Variants in CCDC30 observed in about 807,000 individuals in gnomAD.
CCDC30 encodes the protein coiled-coil domain-containing protein 30.
Under a neutral mutation model 100.2 loss-of-function variants are expected in CCDC30, and 70 were observed. The ratio of observed to expected loss-of-function variants is 0.70; its 90% CI spans 0.58 to 0.85. CCDC30 has a LOEUF of 0.85. Among genes scored for constraint, CCDC30 ranks in the 40% least tolerant of loss-of-function variants. CCDC30 has a pLI of 0.00. For missense variants in CCDC30, 652 were observed against 771.2 expected, an observed-to-expected ratio of 0.85 and a Z score of 1.83; for synonymous variants, 233 against 269.5, an observed-to-expected ratio of 0.86 and a Z score of 1.33.
At chr1:42,638,265 G>A (rs1429985320) in intron 12 of CCDC30, among the ~76,000 whole-genome samples, 1 of 152,064 alleles carries the variant, frequency 6.6e-6, no homozygotes, top group African/African-American at 2.4e-5. Context: ...AAGGCAGGAG[G>A]ATTGCTTGAG....
At position 42,653,817 on chromosome 1, in the gene CCDC30, G is replaced by A. The variant is rs1360431373; in HGVS notation, c.1923-1G>A. 1 of 1,612,702 alleles carries A rather than the reference G, an allele frequency of 6.2e-7. No individual in the cohort carries two copies. The highest frequency in any genetic ancestry group is 2.2e-5 in the East Asian group (1 of 44,862). ...ATGTCCTCACATATGGCATTTCTTA[G>A]TTTTTCAGGAAAAGGTTTGGTAGAG... On this transcript the variant is annotated splice_acceptor_variant, in intron 16 of 16. Transcript: ENST00000668663. LOFTEE classifies it high-confidence loss of function.
At chr1:42,642,952 A>G (rs1647580865) in intron 13 of CCDC30, among the ~76,000 whole-genome samples, 1 of 152,244 alleles carries the variant, frequency 6.6e-6, no homozygotes, top group Non-Finnish European at 1.5e-5. Flanking sequence ...AGAGAGAATT[A>G]GGCTCACAGA....
At chr1:42,503,982 G>A (rs962067902) in intron 6 of CCDC30, among the ~76,000 whole-genome samples, 1 of 152,182 alleles carries the variant, frequency 6.6e-6, no homozygotes, top group African/African-American at 2.4e-5. Flanking sequence ...TCAGAGCTGA[G>A]AGCCCCGAAC....
chr1:42,637,477 A>C, intron 12 of CCDC30, 99 bp downstream of exon 16: 1 of 1,093,074 alleles, frequency 9.1e-7, no homozygotes, highest in Non-Finnish European at 1.3e-6. Flanking sequence ...AGACCCCTTC[A>C]TAGTCCTCGT....
intron 1 of CCDC30, among the ~76,000 whole-genome samples, chr1:42,465,445 A>T (rs570147306): frequency 2.0e-5 from 3 of 151,886 alleles, no homozygotes; most frequent in African/African-American, 4.8e-5. Flanking sequence ...GCCCACTGCA[A>T]CCTCCGCCTC....
intron 6 of CCDC30, chr1:42,537,980 A>G: frequency 6.5e-6 from 1 of 154,064 alleles, no homozygotes; most frequent in Non-Finnish European, 1.4e-5. Context: ...AAAAAAAAAA[A>G]AAAAATCTGC....
At chr1:42,584,406 C>A (rs1346546770) in intron 9 of CCDC30, among the ~76,000 whole-genome samples, 1 of 152,120 alleles carries the variant, frequency 6.6e-6, no homozygotes, top group Non-Finnish European at 1.5e-5. Context: ...GCCTGGCCAA[C>A]ATAGTGAAAT....
chr1:42,492,024 T>G, intron 4 of CCDC30: 1 of 573,092 alleles, frequency 1.7e-6, no homozygotes, highest in African/African-American at 1.9e-5. Context: ...GGAAAAAAAC[T>G]AACTTCCAGG....
intron 6 of CCDC30, among the ~76,000 whole-genome samples, chr1:42,502,325 A>G (rs563044464): frequency 6.6e-6 from 1 of 152,084 alleles, no homozygotes; most frequent in Non-Finnish European, 1.5e-5. Context: ...AGACCATTGG[A>G]AAAGCACAGT....
At chr1:42,595,061 G>A (rs1646258624) in intron 10 of CCDC30, 1 of 151,406 alleles carries the variant, frequency 6.6e-6, no homozygotes, top group East Asian at 1.9e-4. Flanking sequence ...TAGGATATAC[G>A]GTAGAACCAA....
chr1:42,642,673 A>G (rs1175756365), intron 13 of CCDC30, 64 bp downstream of exon 17: 3 of 1,394,496 alleles, frequency 2.2e-6, no homozygotes, highest in African/African-American at 2.9e-5. Flanking sequence ...CTCAACAAAG[A>G]GATGGTTCTA....
At chr1:42,614,964 A>G (rs573139096) in intron 11 of CCDC30, among the ~76,000 whole-genome samples, 7 of 152,188 alleles carry the variant, frequency 4.6e-5, no homozygotes, top group South Asian at 4.1e-4. Flanking sequence ...AATGGTAACC[A>G]TAATAGGTTT....
chr1:42,592,172 C>G (rs1646199299), intron 10 of CCDC30: 1 of 152,060 alleles, frequency 6.6e-6, no homozygotes, highest in Non-Finnish European at 1.5e-5. Context: ...CTTTTGGGGA[C>G]TATTGGTAGG....
At chr1:42,478,384 G>A (rs994461109) in intron 1 of CCDC30, among the ~76,000 whole-genome samples, 7 of 152,188 alleles carry the variant, frequency 4.6e-5, no homozygotes, top group Admixed American at 4.6e-4. Flanking sequence ...AGAATGGTGG[G>A]TGAAATCTTG....
Position 42,596,235 on chromosome 1 carries a change from G to C in CCDC30, c.1164+6752G>C, listed in dbSNP as rs535476532. On this transcript the variant is annotated intron_variant, in intron 10 of 16. Transcript: ENST00000668663. The surrounding 1 kb of genome is among the most constrained non-coding windows in gnomAD (Gnocchi z 4.3). ...GGCTCAGTGTATCAAGTCTGAGAGA[G>C]AGAAACTCCAGAGGGACCCAGTCAT... Among the ~76,000 whole-genome samples, 7 of 152,312 alleles carry C rather than the reference G, an allele frequency of 4.6e-5. No individual in the cohort carries two copies. In the South Asian group the frequency reaches 1.4e-3, roughly 32 times the overall value.
chr1:42,466,268 T>A (rs1643578150), intron 1 of CCDC30, among the ~76,000 whole-genome samples: 1 of 152,162 alleles, frequency 6.6e-6, no homozygotes, highest in African/African-American at 2.4e-5. Flanking sequence ...AGGCAGGAGA[T>A]GTGCTATGGC....
chr1:42,580,966 G>A, intron 8 of CCDC30: 1 of 434,312 alleles, frequency 2.3e-6, no homozygotes, highest in South Asian at 1.7e-5. Context: ...AGCTTCCTGA[G>A]TAGCTGGGAC....
At chr1:42,642,676 T>A in intron 13 of CCDC30, 67 bp downstream of exon 17, 2 of 1,397,668 alleles carry the variant, frequency 1.4e-6, no homozygotes, top group Non-Finnish European at 1.9e-6. Flanking sequence ...AACAAAGAGA[T>A]GGTTCTAGAG....
the CCDC30 span, chr1:42,456,791 G>C: frequency 6.2e-7 from 1 of 1,613,092 alleles, no homozygotes; most frequent in Non-Finnish European, 8.5e-7. Context: ...CTTCCTAGCC[G>C]CCGGCTACGG....
Sources: gnomAD v4.1 joint callset for allele counts (sites outside exome capture counted in the v4.1 genomes callset) on GRCh38, gnomAD v4.1.1 for gene constraint, Gnocchi (gnomAD v3.1) non-coding constraint, MANE v1.5 for transcripts, NCBI Gene and HGNC (gene_info 2026-07-23, HGNC 2026-07-21) for gene names.